The following LARGE1 variants were observed in gnomAD, a reference collection of about 807,000 sequenced individuals.
LARGE1 encodes the protein LARGE xylosyl- and glucuronyltransferase 1, also known as xylosyl- and glucuronyltransferase LARGE1.
Under a neutral mutation model 87.6 loss-of-function variants are expected in LARGE1, and 43 were observed. That is an observed-to-expected ratio of 0.49 (90% confidence interval 0.38 to 0.63). The LOEUF is 0.63. Among genes scored for constraint, LARGE1 ranks in the 30% least tolerant of loss-of-function variants. LARGE1 has a pLI of 0.00. For synonymous variants in LARGE1, 434 were observed against 394.6 expected (o/e 1.10, Z -1.18); for missense variants, 802 against 1,000.2 (o/e 0.80, Z 2.67).
chr22:33,285,400 C>T (rs117681765), intron 12 of LARGE1, among the ~76,000 whole-genome samples: 7,861 of 152,116 alleles, frequency 0.052, 292 homozygotes, highest in Non-Finnish European at 0.073. Context: ...CTTAGGCAGG[C>T]GGATCACAAG....
At chr22:33,684,049 C>G (rs1311293918) in intron 2 of LARGE1, among the ~76,000 whole-genome samples, 1 of 152,090 alleles carries the variant, frequency 6.6e-6, no homozygotes, top group South Asian at 2.1e-4. Flanking sequence ...GGAGAGTAAA[C>G]CATTCTGAGA....
intron 1 of LARGE1, among the ~76,000 whole-genome samples, chr22:33,878,096 T>C (rs1323116161): frequency 6.7e-6 from 1 of 149,546 alleles, no homozygotes; most frequent in East Asian, 1.9e-4. Flanking sequence ...CACTAAAATA[T>C]TTAAAATTAT....
At chr22:33,671,903 T>C (rs953822635) in intron 2 of LARGE1, among the ~76,000 whole-genome samples, 2 of 152,178 alleles carry the variant, frequency 1.3e-5, no homozygotes, top group African/African-American at 4.8e-5. Context: ...GTGATATACT[T>C]GACAATAAAG....
chr22:33,831,161 G>A (rs749226173), intron 1 of LARGE1, among the ~76,000 whole-genome samples: 8 of 146,272 alleles, frequency 5.5e-5, no homozygotes, highest in Non-Finnish European at 8.9e-5. Flanking sequence ...GCAGTGGCAC[G>A]ATCTCGGTTC....
chr22:33,172,488 A>G (rs1922628103), intron 11 of LARGE1, among the ~76,000 whole-genome samples: 2 of 152,042 alleles, frequency 1.3e-5, no homozygotes, highest in Admixed American at 1.3e-4. Context: ...CCTTGTGAAG[A>G]AGGTACTTGC....
chr22:33,609,264 G>A (rs1024026239), intron 4 of LARGE1, among the ~76,000 whole-genome samples: 3 of 152,218 alleles, frequency 2.0e-5, no homozygotes, highest in African/African-American at 4.8e-5. Context: ...GCGCCGCTGT[G>A]CTGGGCTGCC....
At chr22:33,167,978 G>A (rs757072707) in intron 11 of LARGE1, among the ~76,000 whole-genome samples, 70 of 152,294 alleles carry the variant, frequency 4.6e-4, no homozygotes, top group Non-Finnish European at 9.0e-4. Flanking sequence ...TTTGAAGCAG[G>A]AAACTGCCCC....
chr22:33,549,480 G>C (rs1470565182), intron 6 of LARGE1, among the ~76,000 whole-genome samples: 2 of 152,156 alleles, frequency 1.3e-5, no homozygotes, highest in Non-Finnish European at 2.9e-5. Flanking sequence ...GAATGCTTTT[G>C]AGTCTGGTTA....
At chr22:33,498,507 T>C (rs1271302598) in intron 6 of LARGE1, among the ~76,000 whole-genome samples, 1 of 152,158 alleles carries the variant, frequency 6.6e-6, no homozygotes, top group Non-Finnish European at 1.5e-5. Context: ...GCCGAATGTC[T>C]TGGAACTGCA....
At chr22:33,170,129 G>A (rs1922484825) in intron 11 of LARGE1, among the ~76,000 whole-genome samples, 1 of 152,006 alleles carries the variant, frequency 6.6e-6, no homozygotes, top group African/African-American at 2.4e-5. Context: ...AGCACTTTGG[G>A]ATGCCGAGGT....
At chr22:33,882,979 T>A (rs1294847352) in intron 1 of LARGE1, among the ~76,000 whole-genome samples, 2 of 152,176 alleles carry the variant, frequency 1.3e-5, no homozygotes, top group Non-Finnish European at 2.9e-5. Flanking sequence ...CACAGCCAGA[T>A]GAATTATGTT....
At chr22:33,112,246 G>A in the LARGE1 span, among the ~76,000 whole-genome samples, 1 of 152,234 alleles carries the variant, frequency 6.6e-6, no homozygotes, top group Admixed American at 6.5e-5. Flanking sequence ...ATCGAGAAAA[G>A]TGGATGGCTG....
intron 9 of LARGE1, among the ~76,000 whole-genome samples, chr22:33,341,076 A>G (rs2146616184): frequency 6.6e-6 from 1 of 152,172 alleles, no homozygotes; most frequent in East Asian, 1.9e-4. Flanking sequence ...CAAAATTCAC[A>G]TGTGGAAAGC....
chr22:33,303,751 A>C (rs1264891736), intron 12 of LARGE1, among the ~76,000 whole-genome samples: 1 of 150,722 alleles, frequency 6.6e-6, no homozygotes, highest in African/African-American at 2.5e-5. Flanking sequence ...CTTCCCAAGT[A>C]GCTGGGATTA....
At chr22:33,514,458 G>GA (rs1041715605) in intron 6 of LARGE1, among the ~76,000 whole-genome samples, 2 of 151,628 alleles carry the variant, frequency 1.3e-5, no homozygotes, top group African/African-American at 4.8e-5. Context: ...AATATTCTAA[G>GA]AAAAAACAAT....
At chr22:33,338,896 C>G (rs1038830291) in intron 9 of LARGE1, among the ~76,000 whole-genome samples, 1 of 152,064 alleles carries the variant, frequency 6.6e-6, no homozygotes, top group Non-Finnish European at 1.5e-5. Context: ...GCCTGTAATG[C>G]CAGCACTTTG....
chr22:33,464,863 C>T (rs921156854), intron 6 of LARGE1, among the ~76,000 whole-genome samples: 5 of 147,066 alleles, frequency 3.4e-5, no homozygotes, highest in African/African-American at 1.3e-4. Flanking sequence ...ACACACACTA[C>T]ACACACACTG....
chr22:33,652,937 C>T (rs240338), intron 2 of LARGE1, among the ~76,000 whole-genome samples: 73,262 of 151,780 alleles, frequency 0.48, 20,420 homozygotes, highest in Middle Eastern at 0.65. Flanking sequence ...AATCAAAGGC[C>T]GATGCAGAAT....
chr22:33,796,383 C>T (rs1003258792), intron 1 of LARGE1, among the ~76,000 whole-genome samples: 4 of 152,118 alleles, frequency 2.6e-5, no homozygotes, highest in African/African-American at 9.7e-5. Context: ...GAAGGCTGCA[C>T]CACTGACCAG....
Sources: allele counts gnomAD v4.1 joint callset (sites outside exome capture counted in the v4.1 genomes callset), GRCh38; gene constraint gnomAD v4.1.1; transcripts MANE v1.5; gene names NCBI Gene and HGNC (gene_info 2026-07-23, HGNC 2026-07-21).